Variants in ANKS1B observed in about 807,000 individuals in gnomAD.
The protein encoded by ANKS1B is ankyrin repeat and sterile alpha motif domain-containing protein 1B.
In ANKS1B, 36 loss-of-function variants were observed where a neutral mutation model predicts 148.3. That is an observed-to-expected ratio of 0.24 (90% CI 0.19 to 0.32). The LOEUF (loss-of-function observed/expected upper bound fraction) is 0.32, where lower values mean the gene tolerates loss of function less well. ANKS1B is among the 10% of genes least tolerant of loss of function. The pLI is 1.00. For missense variants in ANKS1B, 1,157 were observed against 1,542.6 expected, an observed-to-expected ratio of 0.75 and a Z score of 4.19; for synonymous variants, 542 against 560.8, an observed-to-expected ratio of 0.97 and a Z score of 0.47.
In ANKS1B at chr12:98,744,748, C is replaced by T. The variant is rs2097845923; in HGVS notation, c.*991G>A. The stretch of plus-strand genomic sequence containing the variant: ...GCAATAGAATTTTATTAACACCTTT[C>T]TCAAACAAGGTTTCCATGACAGAAA... On this transcript the variant is annotated 3_prime_UTR_variant, in exon 27 of 27. Transcript: ENST00000683438. 3.1e-6 allele frequency: 3 copies of T among 980,548 alleles called. No homozygotes were observed. The African/African-American group carries it at 5.4e-5, about 18-fold the overall frequency. 60.7% of individuals were successfully genotyped at this position (980,548 alleles called of 1,614,324 possible).
At chr12:98,799,483 T>A (rs1462606434) in intron 21 of ANKS1B, among the ~76,000 whole-genome samples, 1 of 137,128 alleles carries the variant, frequency 7.3e-6, no homozygotes, top group African/African-American at 2.7e-5. Context: ...ACCTTTTTCA[T>A]TCACAGCTGT....
chr12:99,738,466 G>A (rs1040589204), intron 8 of ANKS1B, among the ~76,000 whole-genome samples: 5 of 152,056 alleles, frequency 3.3e-5, no homozygotes, highest in African/African-American at 4.8e-5. Context: ...TTTTATTGTA[G>A]TATTTCAGTA....
At chr12:99,308,010 C>T (rs1308249917) in intron 12 of ANKS1B, among the ~76,000 whole-genome samples, 1 of 152,084 alleles carries the variant, frequency 6.6e-6, no homozygotes, top group Non-Finnish European at 1.5e-5. Flanking sequence ...TGTTCTCTAT[C>T]AACCTGATCT....
chr12:98,766,961 A>G (rs1009832744), intron 25 of ANKS1B, among the ~76,000 whole-genome samples: 3 of 149,078 alleles, frequency 2.0e-5, no homozygotes, highest in African/African-American at 7.4e-5. Flanking sequence ...GTGTGCCACC[A>G]TGCCTGGCTA....
At chr12:98,889,910 A>C (rs976039299) in intron 17 of ANKS1B, among the ~76,000 whole-genome samples, 2 of 152,192 alleles carry the variant, frequency 1.3e-5, no homozygotes, top group African/African-American at 4.8e-5. Flanking sequence ...GTAAAAGAGG[A>C]ACGAGTTTCT....
At chr12:98,887,094 G>A (rs2099741806) in intron 17 of ANKS1B, among the ~76,000 whole-genome samples, 1 of 152,150 alleles carries the variant, frequency 6.6e-6, no homozygotes, top group Non-Finnish European at 1.5e-5. Flanking sequence ...AATAACCATA[G>A]TAATTATGAT....
intron 1 of ANKS1B, among the ~76,000 whole-genome samples, chr12:99,903,065 T>C (rs532588663): frequency 1.3e-5 from 2 of 152,314 alleles, no homozygotes; most frequent in Admixed American, 1.3e-4. Flanking sequence ...AGCCCTGTGA[T>C]ACATATTAAA....
At chr12:99,485,020 T>G (rs937806584) in intron 10 of ANKS1B, among the ~76,000 whole-genome samples, 1 of 151,954 alleles carries the variant, frequency 6.6e-6, no homozygotes, top group Non-Finnish European at 1.5e-5. Flanking sequence ...CCATTTACAT[T>G]CAACGTTAAT....
intron 14 of ANKS1B, among the ~76,000 whole-genome samples, chr12:99,190,614 T>C (rs1265151796): frequency 6.6e-6 from 1 of 152,122 alleles, no homozygotes. Flanking sequence ...ATTTAATAAA[T>C]ACTGCTGGGA....
intron 4 of ANKS1B, among the ~76,000 whole-genome samples, chr12:99,783,530 A>G (rs908770887): frequency 3.9e-5 from 6 of 152,234 alleles, no homozygotes; most frequent in Admixed American, 2.0e-4. Context: ...AATGAAATCT[A>G]AACAATTTAA....
intron 5 of ANKS1B, 100 bp downstream of exon 5, chr12:99,781,921 AG>A: frequency 1.0e-6 from 1 of 977,660 alleles, no homozygotes; most frequent in South Asian, 1.6e-5. Flanking sequence ...TAAAGGCAAG[AG>A]GGTGATTTGT....
At chr12:98,955,219 C>T (rs977214568) in intron 17 of ANKS1B, among the ~76,000 whole-genome samples, 1 of 151,976 alleles carries the variant, frequency 6.6e-6, no homozygotes. Flanking sequence ...GGGAGGTATA[C>T]TTTAAAATAA....
chr12:99,075,947 TG>T (rs1347956449), intron 16 of ANKS1B, among the ~76,000 whole-genome samples: 1 of 150,660 alleles, frequency 6.6e-6, no homozygotes, highest in Non-Finnish European at 1.5e-5. Context: ...CAATATAGCA[TG>T]TATATATAAT....
Position 99,806,375 on chromosome 12 carries a change from T to G in ANKS1B, c.669+29A>C, listed in dbSNP as rs780330750. ...CAAAGCCAAGCAACAGCATCATCAC[T>G]TTTAAAGCATAGCTAAAAGCACACT... On this transcript the variant is annotated intron_variant, in intron 4 of 26. Coordinates refer to ENST00000683438, the MANE Select transcript of ANKS1B (RefSeq NM_001352186.2). 7.5e-6 allele frequency: 12 copies of G among 1,609,488 alleles called. No homozygotes were observed. The Admixed American group carries it at 1.7e-4, about 22-fold the overall frequency.
chr12:99,394,877 A>G lies in ANKS1B; in HGVS notation c.1756+4754T>C, dbSNP rs560317222. 5.3e-5 allele frequency among the ~76,000 whole-genome samples: 8 copies of G among 151,950 alleles called. No homozygotes were observed. The South Asian group carries it at 1.0e-3, about 20-fold the overall frequency. ...TGACACATCTATTCAGATATTCAGTAGGCATCTCAAAATTAACTCCTGGTA... is the reference window on the plus strand; with the variant it reads ...TGACACATCTATTCAGATATTCAGTGGGCATCTCAAAATTAACTCCTGGTA... On this transcript the variant is annotated intron_variant, in intron 12 of 26. Coordinates refer to ENST00000683438, the MANE Select transcript of ANKS1B (RefSeq NM_001352186.2).
intron 8 of ANKS1B, among the ~76,000 whole-genome samples, chr12:99,715,976 C>T (rs944729320): frequency 5.9e-5 from 9 of 152,282 alleles, no homozygotes; most frequent in Middle Eastern, 3.4e-3. Context: ...TGCAGGGACG[C>T]CTCTCCATTT....
chr12:99,064,018 C>T (rs1048920619), intron 16 of ANKS1B, among the ~76,000 whole-genome samples: 7 of 152,202 alleles, frequency 4.6e-5, no homozygotes, highest in African/African-American at 1.7e-4. Context: ...ACTACGAACT[C>T]ACAGCTACAG....
chr12:99,283,307 T>C (rs1434508766), intron 12 of ANKS1B, among the ~76,000 whole-genome samples: 16 of 152,174 alleles, frequency 1.1e-4, no homozygotes, highest in African/African-American at 3.4e-4. Flanking sequence ...TTTTGGCTCC[T>C]CAATCAGGTC....
chr12:99,605,495 C>A (rs187222735), intron 9 of ANKS1B, among the ~76,000 whole-genome samples: 1 of 152,116 alleles, frequency 6.6e-6, no homozygotes, highest in East Asian at 1.9e-4. Flanking sequence ...TCCCCTCTAC[C>A]CTTCCCAACC....
Sources: allele counts gnomAD v4.1 joint callset (sites outside exome capture counted in the v4.1 genomes callset), GRCh38; gene constraint gnomAD v4.1.1; transcripts MANE v1.5; gene names NCBI Gene and HGNC (gene_info 2026-07-23, HGNC 2026-07-21).